Variants in NDRG3 observed in about 807,000 individuals in gnomAD.
NDRG3 encodes the protein NDRG family member 3, also known as protein NDRG3.
Under a neutral mutation model 57.2 loss-of-function variants are expected in NDRG3, and 23 were observed. The ratio of observed to expected loss-of-function variants is 0.40; its 90% confidence interval spans 0.29 to 0.57. The LOEUF is 0.57. NDRG3 is among the 20% of genes least tolerant of loss of function. The probability of loss-of-function intolerance (pLI) is 0.42; values close to 1 mark genes in which losing one functional copy is unlikely to be tolerated. For missense variants in NDRG3, 384 were observed against 457.3 expected (o/e 0.84, Z 1.46); for synonymous variants, 132 against 162.6 (o/e 0.81, Z 1.43).
chr20:36,699,395 G>A (rs566959709), intron 3 of NDRG3, among the ~76,000 whole-genome samples: 2 of 152,236 alleles, frequency 1.3e-5, no homozygotes, highest in South Asian at 2.1e-4. Flanking sequence ...AAAGAATAAA[G>A]CGGGGGGAGG....
chr20:36,736,597 T>C (rs56159798), intron 1 of NDRG3, among the ~76,000 whole-genome samples: 5,648 of 152,292 alleles, frequency 0.037, 168 homozygotes, highest in Non-Finnish European at 0.065. Context: ...CCTAAAACTA[T>C]TGACTTAAAC....
At position 36,687,595 on chromosome 20, in the gene NDRG3, C is replaced by T; in HGVS notation, c.217G>A (p.Ala73Thr). Residue 73 changes from alanine to threonine, a missense_variant, in exon 5 of 16, where the codon GCA becomes ACA. By Grantham distance (58) the Ala-to-Thr change is moderately conservative. Transcript: ENST00000349004. Reference protein sequence around the residue: ...IGLNHKSCFNAFFNFEDMQEI... With the variant: ...IGLNHKSCFNTFFNFEDMQEI... ...TGCATATCCTCAAAGTTAAAGAATGCATTGAAACAGGATTTATCTATAAGA... is the reference window on the plus strand; with the variant it reads ...TGCATATCCTCAAAGTTAAAGAATGTATTGAAACAGGATTTATCTATAAGA... 6.2e-7 allele frequency: 1 copy of T among 1,613,602 alleles called. No homozygotes were observed.
intron 2 of NDRG3, among the ~76,000 whole-genome samples, chr20:36,711,097 G>A (rs1983847384): frequency 6.7e-6 from 1 of 149,792 alleles, no homozygotes; most frequent in Admixed American, 6.7e-5. Flanking sequence ...TGTGTAACAC[G>A]GTGAAACCCC....
In NDRG3 at chr20:36,682,581, G is replaced by A; in HGVS notation, c.384-3C>T. On this transcript the variant is annotated splice_region_variant and splice_polypyrimidine_tract_variant and intron_variant, in intron 6 of 15. Coordinates refer to ENST00000349004, the MANE Select transcript of NDRG3 (RefSeq NM_032013.4). ...CAATTCCAATGATGCTTTTCAGGCT[G>A]TGAATGGGACATAACGACAACTGAC... The A allele has an allele frequency of 6.2e-7, 1 of 1,613,554 alleles. No individual in the cohort carries two copies. The highest frequency in any genetic ancestry group is 1.1e-5 in the South Asian group (1 of 91,032).
At chr20:36,693,315 C>T (rs866412038) in intron 3 of NDRG3, among the ~76,000 whole-genome samples, 20 of 149,238 alleles carry the variant, frequency 1.3e-4, no homozygotes, top group Non-Finnish European at 7.4e-5. Flanking sequence ...GTACGGGTGA[C>T]CCTCAAACAA....
At chr20:36,705,332 AAAAAG>A (rs567820465) in intron 3 of NDRG3, among the ~76,000 whole-genome samples, 2,306 of 150,102 alleles carry the variant, frequency 0.015, 60 homozygotes, top group African/African-American at 0.053. Context: ...AAAAAAAAAA[AAAAAG>A]AAAAGAAAAG....
intron 1 of NDRG3, among the ~76,000 whole-genome samples, chr20:36,738,049 C>G (rs557296852): frequency 2.8e-5 from 4 of 145,448 alleles, no homozygotes; most frequent in African/African-American, 1.0e-4. Flanking sequence ...GGTGACAGAG[C>G]AAGACTCTGT....
At chr20:36,719,812 G>A (rs536923686) in intron 2 of NDRG3, among the ~76,000 whole-genome samples, 3 of 151,880 alleles carry the variant, frequency 2.0e-5, no homozygotes, top group Admixed American at 1.3e-4. Context: ...AAAGAATAGA[G>A]TGGAAAAGAA....
At chr20:36,726,582 C>T (rs1041781683) in intron 1 of NDRG3, among the ~76,000 whole-genome samples, 5 of 152,194 alleles carry the variant, frequency 3.3e-5, no homozygotes, top group African/African-American at 4.8e-5. Context: ...CGGGCTCCCT[C>T]CTGGGGATCC....
intron 1 of NDRG3, among the ~76,000 whole-genome samples, chr20:36,733,429 C>T (rs1309538463): frequency 6.6e-6 from 1 of 151,600 alleles, no homozygotes; most frequent in East Asian, 1.9e-4. Context: ...ACAACCAAAA[C>T]AGAATGAAGG....
intron 3 of NDRG3, among the ~76,000 whole-genome samples, chr20:36,691,736 GC>G (rs1435022078): frequency 1.3e-5 from 2 of 151,966 alleles, no homozygotes; most frequent in African/African-American, 4.8e-5. Flanking sequence ...AACAAATAAA[GC>G]ATAAGGTTTG....
intron 8 of NDRG3, among the ~76,000 whole-genome samples, chr20:36,676,147 G>A (rs1283727208): frequency 6.6e-6 from 1 of 152,020 alleles, no homozygotes; most frequent in Non-Finnish European, 1.5e-5. Context: ...GGCTGAGGTG[G>A]GAGAATGGCG....
chr20:36,676,202 TGCACTCCTGC>T (rs1980689127), intron 8 of NDRG3, among the ~76,000 whole-genome samples: 1 of 151,928 alleles, frequency 6.6e-6, no homozygotes, highest in Non-Finnish European at 1.5e-5. Context: ...ATAGTGCCAC[TGCACTCCTGC>T]CTGGGCGACA....
intron 3 of NDRG3, among the ~76,000 whole-genome samples, chr20:36,692,663 T>C (rs959942717): frequency 1.3e-5 from 2 of 152,162 alleles, no homozygotes; most frequent in African/African-American, 4.8e-5. Flanking sequence ...AGATATAATC[T>C]AAGGCTGGGG....
chr20:36,730,372 A>G (rs1267068533), intron 1 of NDRG3, among the ~76,000 whole-genome samples: 2 of 151,950 alleles, frequency 1.3e-5, no homozygotes, highest in African/African-American at 4.8e-5. Context: ...CTCCCGCCTC[A>G]GCCTCCCAAA....
In NDRG3 at chr20:36,653,457, G is replaced by T; in HGVS notation, c.*63C>A. The T allele has an allele frequency of 6.9e-7, 1 of 1,455,712 alleles. No individual in the cohort carries two copies. The highest frequency in any genetic ancestry group is 9.4e-7 in the Non-Finnish European group (1 of 1,058,452). 90.2% of individuals were successfully genotyped at this position (1,455,712 alleles called of 1,614,324 possible). On this transcript the variant is annotated 3_prime_UTR_variant, in exon 16 of 16. Coordinates refer to ENST00000349004, the MANE Select transcript of NDRG3 (RefSeq NM_032013.4). The surrounding 1 kb of genome is among the most constrained non-coding windows in gnomAD (Gnocchi z 4.2). Reference sequence around the variant, plus strand: ...TAGAGGCCAGTTTACTGGATGAAATGTTATATTATGGAGTGGTCATTTGAA... The same window carrying T: ...TAGAGGCCAGTTTACTGGATGAAATTTTATATTATGGAGTGGTCATTTGAA...
chr20:36,681,625 G>A (rs1981302130), intron 7 of NDRG3, among the ~76,000 whole-genome samples: 3 of 121,094 alleles, frequency 2.5e-5, no homozygotes, highest in South Asian at 2.6e-4. Flanking sequence ...GACACAGCAA[G>A]ACTTCATCTC....
intron 3 of NDRG3, among the ~76,000 whole-genome samples, chr20:36,696,782 C>T (rs1465628388): frequency 5.9e-5 from 9 of 152,226 alleles, no homozygotes; most frequent in East Asian, 3.8e-4. Flanking sequence ...TGAGCCACCA[C>T]GCCCGGCCGC....
intron 9 of NDRG3, chr20:36,668,636 A>G (rs1033724445): frequency 1.3e-5 from 2 of 152,124 alleles, no homozygotes; most frequent in Non-Finnish European, 2.9e-5. Context: ...ACTGTGAACA[A>G]TCAATTCAGA....
Sources: allele counts gnomAD v4.1 joint callset (sites outside exome capture counted in the v4.1 genomes callset), GRCh38; gene constraint gnomAD v4.1.1; non-coding constraint Gnocchi (gnomAD v3.1); transcripts MANE v1.5; gene names NCBI Gene and HGNC (gene_info 2026-07-23, HGNC 2026-07-21).